MAP3K5: variants seen among roughly 807,000 people sequenced by gnomAD.
The protein encoded by MAP3K5 is mitogen-activated protein kinase kinase kinase 5.
A neutral mutation model predicts 158.7 loss-of-function variants in MAP3K5; 56 were observed. The ratio of observed to expected loss-of-function variants is 0.35; its 90% CI spans 0.28 to 0.44. The LOEUF is 0.44. Ranked by LOEUF, MAP3K5 falls within the 20% of genes least tolerant of loss-of-function variation. MAP3K5 has a pLI of 1.00. For synonymous variants in MAP3K5, 579 were observed against 601.7 expected, an observed-to-expected ratio of 0.96 and a Z score of 0.55; for missense variants, 1,294 against 1,674.8, an observed-to-expected ratio of 0.77 and a Z score of 3.97.
At chr6:136,754,266 C>G (rs1374574789) in intron 1 of MAP3K5, among the ~76,000 whole-genome samples, 1 of 139,302 alleles carries the variant, frequency 7.2e-6, no homozygotes, top group East Asian at 2.2e-4. Flanking sequence ...GAGCAAGACT[C>G]GATAAAAAAA....
chr6:136,643,749 A>C (rs1285567073), intron 11 of MAP3K5, among the ~76,000 whole-genome samples: 3 of 152,228 alleles, frequency 2.0e-5, no homozygotes, highest in Non-Finnish European at 4.4e-5. Flanking sequence ...ATTTTGTTGC[A>C]TGAAGTCCAG....
chr6:136,640,328 A>C (rs1777865693), intron 12 of MAP3K5, among the ~76,000 whole-genome samples: 1 of 152,250 alleles, frequency 6.6e-6, no homozygotes, highest in African/African-American at 2.4e-5. Context: ...TAAATGAATG[A>C]ACATGGCTGT....
chr6:136,611,324 T>C lies in MAP3K5; in HGVS notation c.2479A>G (p.Lys827Glu). ...VLKISDFGTS[K>E]RLAGINPCTE... Reference sequence around the variant, plus strand: ...CAGGGGTTTATGCCAGCAAGCCTCTTTGATGTTCCGAAGTCAGAGATCTTG... The same window carrying C: ...CAGGGGTTTATGCCAGCAAGCCTCTCTGATGTTCCGAAGTCAGAGATCTTG... Residue 827 changes from lysine (K) to glutamate (E), a missense_variant, in exon 18 of 30, where the codon AAG becomes GAG. Lys to Glu is a moderately conservative substitution (Grantham distance 56). This residue lies in a region of MAP3K5 where 362 missense variants were observed against 463.2 expected (regional missense o/e 0.78). Transcript: ENST00000359015. The C allele has an allele frequency of 6.2e-7, 1 of 1,613,612 alleles. No homozygotes were observed. Among genetic ancestry groups the C allele is most frequent in the South Asian group, 1.1e-5 (1 of 91,060 alleles).
intron 1 of MAP3K5, among the ~76,000 whole-genome samples, chr6:136,730,555 A>C (rs947127288): frequency 6.6e-6 from 1 of 151,860 alleles, no homozygotes; most frequent in African/African-American, 2.4e-5. Context: ...CCCCGTCTCC[A>C]CTAAAAACAC....
intron 1 of MAP3K5, among the ~76,000 whole-genome samples, chr6:136,727,649 C>T (rs1372837884): frequency 6.6e-6 from 1 of 152,170 alleles, no homozygotes; most frequent in African/African-American, 2.4e-5. Flanking sequence ...GTGAGTAAAA[C>T]TGCCACATTT....
At position 136,698,658 on chromosome 6, in the gene MAP3K5, C is replaced by A; in HGVS notation, c.637G>T (p.Val213Phe). ...NTMCTGNYTF[V>F]PYMITPHNKV... is the part of the protein sequence containing the mutation. ...TTATGTGGAGTTATCATGTAAGGAA[C>A]AAAGGTGTAGTTCCCAGTGCACATC... is the stretch of plus-strand genomic sequence containing the variant. Residue 213 changes from valine (V) to phenylalanine (F), a missense_variant, in exon 4 of 30, where the codon GTT (valine) becomes TTT (phenylalanine). By Grantham distance (50) the Val-to-Phe change is conservative. Transcript: ENST00000359015. 6.2e-7 allele frequency: 1 copy of A among 1,613,852 alleles called. No individual in the cohort carries two copies. The highest frequency in any genetic ancestry group is 8.5e-7 in the Non-Finnish European group (1 of 1,179,852).
At position 136,637,248 on chromosome 6, in the gene MAP3K5, G is replaced by A. The variant is rs1250590345; in HGVS notation, c.2016+77C>T. On this transcript the variant is annotated intron_variant, in intron 14 of 29. Transcript: ENST00000359015. ...CAGTCTCCTACCCCTCATACACCCT[G>A]CCTCCTGCCTCAGTAAGGCTTCAAA... 13 of 1,305,820 alleles carry A rather than the reference G, an allele frequency of 1.0e-5. No homozygotes were observed. In the East Asian group the frequency reaches 3.0e-4, roughly 30 times the overall value. 80.9% of individuals were successfully genotyped at this position (1,305,820 alleles called of 1,614,324 possible).
intron 20 of MAP3K5, among the ~76,000 whole-genome samples, chr6:136,601,405 C>A (rs1775870776): frequency 6.6e-6 from 1 of 152,062 alleles, no homozygotes; most frequent in African/African-American, 2.4e-5. Flanking sequence ...CTTAAAAGAA[C>A]CTATTACCTA....
At chr6:136,771,007 A>C (rs971474434) in intron 1 of MAP3K5, among the ~76,000 whole-genome samples, 6 of 152,164 alleles carry the variant, frequency 3.9e-5, no homozygotes, top group African/African-American at 1.4e-4. Context: ...TAAACACTAG[A>C]TGTCATTTAA....
chr6:136,791,922 C>T lies in MAP3K5; in HGVS notation c.236G>A (p.Gly79Asp). The T allele has an allele frequency of 1.2e-6, 2 of 1,612,736 alleles. No individual in the cohort carries two copies. Among genetic ancestry groups the T allele is most frequent in the Non-Finnish European group, 1.7e-6 (2 of 1,179,778 alleles). The change falls in exon 1 of 30, where the codon GGC becomes GAC. Residue 79 changes from glycine to aspartate, a missense_variant. Transcript: ENST00000359015. ...GCCCCCGCCAACAGAGCTGCCCCGGCCTCGGGTGGCACTGCTCGAGGAGGT... is the reference window on the plus strand; with the variant it reads ...GCCCCCGCCAACAGAGCTGCCCCGGTCTCGGGTGGCACTGCTCGAGGAGGT... ...AATSSSSATR[G>D]RGSSVGGGSR...
chr6:136,700,001 C>T lies in MAP3K5; in HGVS notation c.613-1319G>A, dbSNP rs550199028. On this transcript the variant is annotated intron_variant, in intron 3 of 29. Coordinates refer to ENST00000359015, the MANE Select transcript of MAP3K5 (RefSeq NM_005923.4). ...CCCAGCTACTCAGGAGGCTGAGGTG[C>T]GAGAATCACTTGTAGTGAGCCGAGA... Among the ~76,000 whole-genome samples, 35 of 151,896 alleles carry T rather than the reference C, an allele frequency of 2.3e-4. No homozygotes were observed. In the South Asian group the frequency reaches 3.9e-3, roughly 17 times the overall value.
At chr6:136,619,091 C>T (rs1053714340) in intron 15 of MAP3K5, among the ~76,000 whole-genome samples, 1 of 152,142 alleles carries the variant, frequency 6.6e-6, no homozygotes, top group African/African-American at 2.4e-5. Flanking sequence ...GTGAAAGTCA[C>T]GCACTAAGGA....
chr6:136,579,812 A>C (rs1271469738), intron 25 of MAP3K5: 1 of 456,672 alleles, frequency 2.2e-6, no homozygotes, highest in East Asian at 6.9e-5. Flanking sequence ...TAGTCTTTAA[A>C]AAAAAATCAG....
At chr6:136,649,047 G>A (rs993731263) in intron 11 of MAP3K5, among the ~76,000 whole-genome samples, 9 of 152,218 alleles carry the variant, frequency 5.9e-5, no homozygotes, top group East Asian at 1.9e-4. Context: ...TTGGCTCACT[G>A]CAACCTCTGC....
At chr6:136,692,918 T>C (rs1039382160) in intron 7 of MAP3K5, among the ~76,000 whole-genome samples, 1 of 151,872 alleles carries the variant, frequency 6.6e-6, no homozygotes, top group Non-Finnish European at 1.5e-5. Context: ...ATTGCACCAC[T>C]ACACTACAGC....
chr6:136,629,477 A>T (rs1011450409), intron 14 of MAP3K5, among the ~76,000 whole-genome samples: 2 of 151,838 alleles, frequency 1.3e-5, no homozygotes, highest in Admixed American at 6.6e-5. Flanking sequence ...TTTTTTGAGA[A>T]GGAGTCACGC....
At chr6:136,762,554 T>G (rs536869384) in intron 1 of MAP3K5, among the ~76,000 whole-genome samples, 37 of 152,030 alleles carry the variant, frequency 2.4e-4, no homozygotes, top group Non-Finnish European at 4.7e-4. Flanking sequence ...AGAGCTTAGT[T>G]CAAGAAAAGT....
chr6:136,665,625 C>T (rs1192555499), intron 8 of MAP3K5, among the ~76,000 whole-genome samples: 1 of 152,114 alleles, frequency 6.6e-6, no homozygotes, highest in African/African-American at 2.4e-5. Flanking sequence ...GGATTACAGG[C>T]CTGAGCCACC....
chr6:136,582,306 GTGTC>G (rs1187804763), intron 24 of MAP3K5, among the ~76,000 whole-genome samples: 2 of 145,830 alleles, frequency 1.4e-5, no homozygotes, highest in Non-Finnish European at 3.0e-5. Context: ...GTGTGTGTGT[GTGTC>G]TGACCTGGCC....
Sources: gnomAD v4.1 joint callset for allele counts (sites outside exome capture counted in the v4.1 genomes callset) on GRCh38, gnomAD v4.1.1 for gene constraint, gnomAD v4.1.1 regional missense constraint, MANE v1.5 for transcripts, NCBI Gene and HGNC (gene_info 2026-07-23, HGNC 2026-07-21) for gene names.